Variants in HLCS observed in about 807,000 individuals in gnomAD.
HLCS encodes holocarboxylase synthetase, also known as biotin--protein ligase.
HLCS carries 53 observed loss-of-function variants against 75.0 expected under a neutral mutation model. The observed-to-expected ratio is 0.71, with a 90% CI of 0.57 to 0.89. The LOEUF (loss-of-function observed/expected upper bound fraction) is 0.89. HLCS is among the 40% of genes least tolerant of loss of function. The pLI, the probability that HLCS is intolerant of heterozygous loss-of-function variation, is 0.00. For missense variants in HLCS, 966 were observed against 1,074.0 expected (o/e 0.90, Z 1.41); for synonymous variants, 431 against 428.6 (o/e 1.01, Z -0.07).
rs1033473422 is a variant in HLCS, at chr21:36,842,287, G to A, written c.1892+54573C>T. Among the ~76,000 whole-genome samples the A allele has an allele frequency of 2.0e-5, 3 of 152,190 alleles. No individual in the cohort carries two copies. Among genetic ancestry groups the A allele is most frequent in the African/African-American group, 7.2e-5 (3 of 41,430 alleles). ...ATCAGGACAGTGTTCCCCAAAGGGA[G>A]GATGCAGATGGGAAGGGACCTGAAG... On this transcript the variant is annotated intron_variant, in intron 6 of 10. Transcript: ENST00000674895. The surrounding 1 kb of genome is among the most constrained non-coding windows in gnomAD (Gnocchi z 4.2).
Position 36,888,442 on chromosome 21 carries a change from AAAAATATATATATATATAT to A in HLCS, c.1892+8399_1892+8417del, listed in dbSNP as rs1352656582. 4.9e-3 allele frequency among the ~76,000 whole-genome samples: 156 copies of A among 31,526 alleles called. 5 individuals carry two copies. The highest frequency in any genetic ancestry group is 0.034 in the South Asian group (25 of 744). 20.7% of individuals were successfully genotyped at this position (31,526 alleles called of 152,430 possible). A position where few individuals can be genotyped will look rare whatever the true frequency, so the allele number is the denominator to read the frequency against. ...TGCCCCCTTCCCATTTAAAAAAAAA[AAAAATATATATATATATAT>A]ATATATATATATATATATATATATA... is the stretch of plus-strand genomic sequence containing the variant. On this transcript the variant is annotated intron_variant, in intron 6 of 10. Transcript: ENST00000674895.
intron 5 of HLCS, among the ~76,000 whole-genome samples, chr21:36,916,518 ATTT>A (rs57613865): frequency 3.9e-3 from 364 of 93,030 alleles, no homozygotes; most frequent in African/African-American, 0.013. Flanking sequence ...TGCCTAGCTA[ATTT>A]TTTTTTTTTT....
rs747012912 is a variant in HLCS, at chr21:36,759,804, T to C, written c.2159A>G (p.Tyr720Cys). ...GCCGATCTTCATGAGGTCACTGTAA[T>C]AAATATCGTTGGGCCACTTCACTCG... ...NLRVKWPNDIYYSDLMKIGGV... is the reference protein window; with the variant it reads ...NLRVKWPNDICYSDLMKIGGV... The change falls in exon 9 of 11, where the codon TAT (tyrosine) becomes TGT (cysteine). Residue 720 changes from tyrosine (Y) to cysteine (C), a missense_variant. By Grantham distance (194) the Tyr-to-Cys change is radical. Transcript: ENST00000674895. 6.2e-7 allele frequency: 1 copy of C among 1,613,534 alleles called. No individual in the cohort carries two copies. The highest frequency in any genetic ancestry group is 1.1e-5 in the South Asian group (1 of 91,066).
intron 5 of HLCS, among the ~76,000 whole-genome samples, chr21:36,907,948 T>C (rs899204324): frequency 1.3e-5 from 2 of 152,064 alleles, no homozygotes; most frequent in South Asian, 2.1e-4. Flanking sequence ...TAGATACCAC[T>C]ATACATCCAC....
At chr21:36,940,783 TC>T (rs1016916536) in intron 2 of HLCS, among the ~76,000 whole-genome samples, 1 of 152,204 alleles carries the variant, frequency 6.6e-6, no homozygotes, top group African/African-American at 2.4e-5. Flanking sequence ...TTTGGCTGGG[TC>T]CCCACCCAAA....
intron 5 of HLCS, among the ~76,000 whole-genome samples, chr21:36,912,394 G>A (rs908162821): frequency 2.0e-5 from 3 of 151,288 alleles, no homozygotes; most frequent in Non-Finnish European, 4.4e-5. Context: ...AGACACAAAA[G>A]GACAAATATT....
At chr21:36,809,129 G>A (rs777147306) in intron 6 of HLCS, among the ~76,000 whole-genome samples, 1 of 151,918 alleles carries the variant, frequency 6.6e-6, no homozygotes, top group Non-Finnish European at 1.5e-5. Context: ...CAGGAGAACT[G>A]CTCAAACCCA....
chr21:36,782,734 C>G (rs565928193), intron 6 of HLCS, among the ~76,000 whole-genome samples: 1 of 152,026 alleles, frequency 6.6e-6, no homozygotes, highest in Non-Finnish European at 1.5e-5. Context: ...TTTTGGAGGC[C>G]GAGGCAGGTG....
At chr21:36,861,648 G>T (rs2063385508) in intron 6 of HLCS, among the ~76,000 whole-genome samples, 1 of 152,036 alleles carries the variant, frequency 6.6e-6, no homozygotes, top group Non-Finnish European at 1.5e-5. Context: ...CACAGTATTT[G>T]GTTTTCTGTT....
chr21:36,830,140 AGAC>A (rs538968769), intron 6 of HLCS, among the ~76,000 whole-genome samples: 23 of 152,292 alleles, frequency 1.5e-4, no homozygotes, highest in African/African-American at 5.1e-4. Flanking sequence ...ACACACAGGG[AGAC>A]GACAGCCTCT....
chr21:36,973,227 CTTTTT>C (rs11327894), intron 1 of HLCS, among the ~76,000 whole-genome samples: 3 of 91,050 alleles, frequency 3.3e-5, no homozygotes, highest in South Asian at 4.6e-4. Context: ...AAGACCCTGT[CTTTTT>C]TTTTTTTTTT....
intron 2 of HLCS, chr21:36,947,310 C>T (rs751053033): frequency 1.6e-4 from 155 of 981,076 alleles, no homozygotes; most frequent in Non-Finnish European, 1.8e-4. Flanking sequence ...CAAGTTTCTC[C>T]ACTCTGCCAA....
At chr21:36,832,684 T>C (rs1269421934) in intron 6 of HLCS, among the ~76,000 whole-genome samples, 2 of 152,198 alleles carry the variant, frequency 1.3e-5, no homozygotes, top group African/African-American at 4.8e-5. Flanking sequence ...AGCTCTGACA[T>C]GGGAGGCCAT....
intron 6 of HLCS, among the ~76,000 whole-genome samples, chr21:36,885,381 G>A (rs137986395): frequency 0.015 from 2,340 of 152,084 alleles, 61 homozygotes; most frequent in African/African-American, 0.052. Context: ...GGTGGCTCAC[G>A]CCTGTGGTCC....
chr21:36,871,996 G>A (rs985177975), intron 6 of HLCS, among the ~76,000 whole-genome samples: 1 of 152,136 alleles, frequency 6.6e-6, no homozygotes, highest in Non-Finnish European at 1.5e-5. Context: ...CCAAATATTG[G>A]TGAAGATGTA....
In HLCS at chr21:36,937,029, A is replaced by T. The variant is rs144572349; in HGVS notation, c.857T>A (p.Leu286Ter). 1 of 1,613,990 alleles carries T rather than the reference A, an allele frequency of 6.2e-7. No homozygotes were observed. Among genetic ancestry groups the T allele is most frequent in the Non-Finnish European group, 8.5e-7 (1 of 1,179,982 alleles). The change falls in exon 4 of 11, where the codon TTG becomes TAG. Residue 286 changes from leucine to a stop codon, truncating the protein, a stop_gained. Transcript: ENST00000674895. LOFTEE classifies it high-confidence loss of function. ...GGAGGTCTCATCAGCAACACTCTCC[A>T]AACTGCTGCTATAATCGTAGGGAAG... Reference protein sequence around the residue: ...PDLPYDYSSSLESVADETSPE... With the variant: ...PDLPYDYSSS
rs76793567 is a variant in HLCS at position 36,880,121 on chromosome 21, A to T, written c.1892+16739T>A. Among the ~76,000 whole-genome samples the T allele has an allele frequency of 2.4e-3, 371 of 152,272 alleles. 8 individuals are homozygous for T. The East Asian group carries it at 0.059, about 24-fold the overall frequency. ...TCAAATCCCTCATTCGTTTCCAATG[A>T]TGACAACATGGTGCTGGAAACATTT... On this transcript the variant is annotated intron_variant, in intron 6 of 10. Transcript: ENST00000674895.
chr21:36,989,809 G>A (rs769812877), intron 1 of HLCS, among the ~76,000 whole-genome samples: 2 of 152,156 alleles, frequency 1.3e-5, no homozygotes, highest in Non-Finnish European at 2.9e-5. Context: ...GGGGCCCGTG[G>A]GAGGGGGACA....
chr21:36,910,643 G>A (rs1257814070), intron 5 of HLCS, among the ~76,000 whole-genome samples: 7 of 151,966 alleles, frequency 4.6e-5, no homozygotes, highest in Admixed American at 6.5e-5. Flanking sequence ...TGGGGTGGGC[G>A]TTTATTCAGC....
Sources: allele counts gnomAD v4.1 joint callset (sites outside exome capture counted in the v4.1 genomes callset), GRCh38; gene constraint gnomAD v4.1.1; non-coding constraint Gnocchi (gnomAD v3.1); transcripts MANE v1.5; gene names NCBI Gene and HGNC (gene_info 2026-07-23, HGNC 2026-07-21).